Variants in IL21R observed in about 807,000 individuals in gnomAD.
IL21R encodes the protein interleukin 21 receptor, also known as interleukin-21 receptor.
Under a neutral mutation model 41.3 loss-of-function variants are expected in IL21R, and 14 were observed. The ratio of observed to expected loss-of-function variants is 0.34; its 90% CI spans 0.22 to 0.53. The LOEUF is 0.53. IL21R is among the 20% of genes least tolerant of loss of function. The pLI is 0.94. For missense variants in IL21R, 588 were observed against 681.6 expected (o/e 0.86, Z 1.53); for synonymous variants, 286 against 287.6 (o/e 0.99, Z 0.05).
chr16:27,431,895 C>T (rs553995663), intron 2 of IL21R, among the ~76,000 whole-genome samples: 1 of 152,312 alleles, frequency 6.6e-6, no homozygotes, highest in South Asian at 2.1e-4. Context: ...CCACCCGCCT[C>T]GGCCTCCCAA....
At chr16:27,440,652 G>A (rs1240031684) in intron 4 of IL21R, among the ~76,000 whole-genome samples, 1 of 152,154 alleles carries the variant, frequency 6.6e-6, no homozygotes, top group Non-Finnish European at 1.5e-5. Flanking sequence ...TGAACCTGGA[G>A]GACAAAACCT....
At chr16:27,425,021 G>A (rs778560385) in intron 1 of IL21R, among the ~76,000 whole-genome samples, 10 of 152,104 alleles carry the variant, frequency 6.6e-5, no homozygotes, top group South Asian at 2.1e-4. Flanking sequence ...ATCACCAAGC[G>A]GATGGCACTA....
At chr16:27,412,679 C>T (rs2086840039) in intron 1 of IL21R, among the ~76,000 whole-genome samples, 1 of 151,988 alleles carries the variant, frequency 6.6e-6, no homozygotes, top group Non-Finnish European at 1.5e-5. Flanking sequence ...ATGTTTTATA[C>T]AAGTCTTTCT....
intron 1 of IL21R, among the ~76,000 whole-genome samples, chr16:27,407,069 G>A (rs528210809): frequency 6.6e-6 from 1 of 152,288 alleles, no homozygotes; most frequent in African/African-American, 2.4e-5. Context: ...GGAGTTTCTG[G>A]GGACAGTGAG....
chr16:27,428,807 G>A (rs916320933), intron 1 of IL21R, among the ~76,000 whole-genome samples: 17 of 152,216 alleles, frequency 1.1e-4, no homozygotes, highest in African/African-American at 3.1e-4. Flanking sequence ...GCATGCTCCC[G>A]AGTGGGCTAA....
intron 3 of IL21R, among the ~76,000 whole-genome samples, chr16:27,435,624 T>C (rs2087255861): frequency 1.3e-5 from 2 of 151,640 alleles, no homozygotes. Context: ...TGGATAATTT[T>C]TGTAGTTTTT....
rs1488804799 is a variant in IL21R at position 27,446,063 on chromosome 16, A to G, written c.842A>G (p.Tyr281Cys). Residue 281 changes from tyrosine to cysteine, a missense_variant, in exon 8 of 9, where the codon TAC becomes TGC. Transcript: ENST00000337929. The stretch of plus-strand genomic sequence containing the variant: ...CCTGAGCGGTTCTTCATGCCCCTGT[A>G]CAAGGGCTGCAGCGGAGACTTCAAG... The part of the protein sequence containing the change: ...PSPERFFMPL[Y>C]KGCSGDFKKW... 1 of 1,613,692 alleles carries G rather than the reference A, an allele frequency of 6.2e-7. No individual in the cohort carries two copies. Among genetic ancestry groups the G allele is most frequent in the South Asian group, 1.1e-5 (1 of 91,022 alleles).
chr16:27,432,831 C>A (rs1038334481), intron 2 of IL21R, among the ~76,000 whole-genome samples: 1 of 152,174 alleles, frequency 6.6e-6, no homozygotes, highest in East Asian at 1.9e-4. Context: ...AGTTGAGAAG[C>A]ATTCCGAGGT....
intron 3 of IL21R, among the ~76,000 whole-genome samples, chr16:27,435,500 C>T (rs889709071): frequency 6.6e-6 from 1 of 152,004 alleles, no homozygotes. Flanking sequence ...GTTGCCCAGG[C>T]TGGAGTGCAG....
rs1261615952 is a variant in IL21R at position 27,442,990 on chromosome 16, T to C, written c.381T>C (p.Thr127=). 6 of 1,603,858 alleles carry C rather than the reference T, an allele frequency of 3.7e-6. No homozygotes were observed. In the African/African-American group the frequency reaches 6.7e-5, roughly 18 times the overall value. Residue 127 remains threonine, a synonymous_variant, in exon 5 of 9, where the codon ACT becomes ACC. Coordinates refer to ENST00000337929, the MANE Select transcript of IL21R (RefSeq NM_181078.3). ...AGCCGGCTCCCCCTTTCAACGTGAC[T>C]GTGACCTTCTCAGGACAGTATAATA... The part of the protein sequence containing the change: ...SIKPAPPFNV[T]VTFSGQYNIS...
chr16:27,404,016 G>A (rs1470144031), intron 1 of IL21R, among the ~76,000 whole-genome samples: 1 of 152,212 alleles, frequency 6.6e-6, no homozygotes, highest in Non-Finnish European at 1.5e-5. Context: ...TGTAGGACAA[G>A]GCCACCACCT....
chr16:27,439,433 TG>T (rs1259730409), intron 4 of IL21R, among the ~76,000 whole-genome samples: 1 of 151,422 alleles, frequency 6.6e-6, no homozygotes, highest in African/African-American at 2.4e-5. Context: ...CACTCATACA[TG>T]GGCACACACA....
intron 4 of IL21R, 101 bp from the exon 5 acceptor site, chr16:27,442,861 A>G: frequency 9.0e-7 from 1 of 1,114,314 alleles, no homozygotes; most frequent in East Asian, 2.5e-5. Flanking sequence ...TCAGGCATGG[A>G]GGCAGGGGTG....
At chr16:27,409,928 G>A (rs564195857) in intron 1 of IL21R, among the ~76,000 whole-genome samples, 34 of 152,204 alleles carry the variant, frequency 2.2e-4, no homozygotes, top group African/African-American at 8.2e-4. Context: ...ATTTGGGGGG[G>A]ACTAGCATCC....
chr16:27,435,745 T>A (rs1258417580), intron 3 of IL21R, among the ~76,000 whole-genome samples: 1 of 151,598 alleles, frequency 6.6e-6, no homozygotes, highest in Non-Finnish European at 1.5e-5. Context: ...TGAGCCACCA[T>A]GCCAGGCCCA....
chr16:27,444,750 T>C, intron 6 of IL21R, 31 bp downstream of exon 6: 1 of 1,465,866 alleles, frequency 6.8e-7, no homozygotes, highest in Non-Finnish European at 9.0e-7. Flanking sequence ...GACACCCCAC[T>C]CCTGGTATCA....
chr16:27,444,904 T>C (rs2087451062), intron 6 of IL21R, among the ~76,000 whole-genome samples, 185 bp downstream of exon 6: 1 of 152,216 alleles, frequency 6.6e-6, no homozygotes. Context: ...CAGCTGCTTC[T>C]TCTGTTAGGC....
chr16:27,409,439 C>T (rs2086794719), intron 1 of IL21R, among the ~76,000 whole-genome samples: 1 of 151,654 alleles, frequency 6.6e-6, no homozygotes, highest in Non-Finnish European at 1.5e-5. Context: ...AGAAGTGTTG[C>T]CTGCAATAAA....
chr16:27,419,816 TTTATTATTA>T (rs57138211), intron 1 of IL21R, among the ~76,000 whole-genome samples: 45,405 of 147,834 alleles, frequency 0.31, 7,471 homozygotes, highest in East Asian at 0.45. Context: ...AGTAACATAG[TTTATTATTA>T]TTATTATTAT....
Sources: gnomAD v4.1 joint callset for allele counts (sites outside exome capture counted in the v4.1 genomes callset) on GRCh38, gnomAD v4.1.1 for gene constraint, MANE v1.5 for transcripts, NCBI Gene and HGNC (gene_info 2026-07-23, HGNC 2026-07-21) for gene names.